The following NXPE4 variants were observed in gnomAD, a reference collection of about 807,000 sequenced individuals.
The protein encoded by NXPE4 is neurexophilin and PC-esterase domain family member 4.
A neutral mutation model predicts 33.3 loss-of-function variants in NXPE4; 42 were observed. The ratio of observed to expected loss-of-function variants is 1.26; its 90% CI spans 0.98 to 1.63. The LOEUF (loss-of-function observed/expected upper bound fraction) is 1.63. NXPE4 is among the 40% of genes most tolerant of loss of function. NXPE4 has a pLI of 0.00. For missense variants in NXPE4, 709 were observed against 647.6 expected (o/e 1.09, Z -1.03); for synonymous variants, 253 against 234.9 (o/e 1.08, Z -0.71).
At chr11:114,636,415 T>G in the NXPE4 span, among the ~76,000 whole-genome samples, 1 of 152,124 alleles carries the variant, frequency 6.6e-6, no homozygotes. Flanking sequence ...AAAAACCAGC[T>G]CCTGGATTCG....
chr11:114,571,099 C>T lies in NXPE4; in HGVS notation c.1474G>A (p.Gly492Ser). ...NDAERFSDFH[G>S]YIQYLIIKDI... ...TTTATGATGAGATATTGAATGTAACCATGAAAGTCACTAAATCTTTCTGCA... is the reference window on the plus strand; with the variant it reads ...TTTATGATGAGATATTGAATGTAACTATGAAAGTCACTAAATCTTTCTGCA... The change falls in exon 6 of 6, where the codon GGT (glycine) becomes AGT (serine). Residue 492 changes from glycine to serine, a missense_variant. Gly to Ser is a moderately conservative substitution (Grantham distance 56). Coordinates refer to ENST00000375478, the MANE Select transcript of NXPE4 (RefSeq NM_001077639.2). 6.2e-7 allele frequency: 1 copy of T among 1,613,880 alleles called. No homozygotes were observed. The highest frequency in any genetic ancestry group is 8.5e-7 in the Non-Finnish European group (1 of 1,179,900).
the NXPE4 span, among the ~76,000 whole-genome samples, chr11:114,619,116 G>C: frequency 3.3e-5 from 5 of 152,214 alleles, no homozygotes; most frequent in East Asian, 7.7e-4. Context: ...TGGATAATAA[G>C]TGTTGCCTCG....
At chr11:114,609,007 A>G in the NXPE4 span, among the ~76,000 whole-genome samples, 1 of 151,926 alleles carries the variant, frequency 6.6e-6, no homozygotes, top group Admixed American at 6.6e-5. Context: ...GTGGATAATA[A>G]GTGTTGCCTT....
chr11:114,576,216 A>T (rs1948991168), intron 5 of NXPE4, among the ~76,000 whole-genome samples: 1 of 152,168 alleles, frequency 6.6e-6, no homozygotes, highest in Non-Finnish European at 1.5e-5. Flanking sequence ...TGGATCAAAG[A>T]CTTAAATTTA....
the NXPE4 span, among the ~76,000 whole-genome samples, chr11:114,617,673 C>T: frequency 6.6e-6 from 1 of 151,800 alleles, no homozygotes; most frequent in South Asian, 2.1e-4. Context: ...ACCACTGTTA[C>T]CCGGTGGATA....
chr11:114,670,592 T>C, the NXPE4 span, among the ~76,000 whole-genome samples: 11 of 151,986 alleles, frequency 7.2e-5, no homozygotes, highest in African/African-American at 2.7e-4. Context: ...CTTAGGAGGC[T>C]GAGGCAGGAG....
chr11:114,606,457 G>A, the NXPE4 span, among the ~76,000 whole-genome samples: 1 of 149,704 alleles, frequency 6.7e-6, no homozygotes, highest in Non-Finnish European at 1.5e-5. Context: ...GGGAGATAAT[G>A]TGTTGCCTCT....
chr11:114,580,398 T>C (rs941332701), intron 4 of NXPE4, 60 bp from the exon 5 acceptor site: 1 of 1,449,184 alleles, frequency 6.9e-7, no homozygotes, highest in Non-Finnish European at 9.7e-7. Context: ...TCAGTATGTA[T>C]TAAGAGCCTT....
chr11:114,629,241 C>G, the NXPE4 span, among the ~76,000 whole-genome samples: 59 of 152,206 alleles, frequency 3.9e-4, no homozygotes, highest in Admixed American at 7.2e-4. Context: ...AGACCAATAT[C>G]CTTGATGAAC....
At chr11:114,598,435 C>G (rs942624695), upstream of NXPE4, among the ~76,000 whole-genome samples, 2 of 152,212 alleles carry the variant, frequency 1.3e-5, no homozygotes, top group Non-Finnish European at 2.9e-5. Context: ...GGCTCCAGCC[C>G]CACATTGTCC....
At chr11:114,603,735 C>A in the NXPE4 span, among the ~76,000 whole-genome samples, 1 of 151,142 alleles carries the variant, frequency 6.6e-6, no homozygotes, top group Non-Finnish European at 1.5e-5. Flanking sequence ...ACTCCTATTA[C>A]CCAGTGGATG....
At chr11:114,643,347 A>G in the NXPE4 span, among the ~76,000 whole-genome samples, 1 of 152,090 alleles carries the variant, frequency 6.6e-6, no homozygotes. Flanking sequence ...TACATCCTGA[A>G]TGGTACTGCC....
the NXPE4 span, among the ~76,000 whole-genome samples, chr11:114,606,763 G>T: frequency 6.6e-6 from 1 of 151,870 alleles, no homozygotes; most frequent in Non-Finnish European, 1.5e-5. Context: ...AGTACCACAG[G>T]GGTAACCACT....
chr11:114,651,783 A>C, the NXPE4 span, among the ~76,000 whole-genome samples: 2 of 152,094 alleles, frequency 1.3e-5, no homozygotes, highest in African/African-American at 2.4e-5. Flanking sequence ...GTGTTTACAA[A>C]CCTTTAGCTA....
In NXPE4 at chr11:114,583,472, A is replaced by C. The variant is rs1461593166; in HGVS notation, c.97-451T>G. 8 of 659,254 alleles carry C rather than the reference A, an allele frequency of 1.2e-5. 1 individual carries two copies. The East Asian group carries it at 3.2e-4, about 26-fold the overall frequency. 40.8% of individuals were successfully genotyped at this position (659,254 alleles called of 1,614,324 possible). A position where few individuals can be genotyped will look rare whatever the true frequency, so the allele number is the denominator to read the frequency against. ...CAAGTACCACAGTGATGACTACATTAAATTCTTGTGCTCCATCTATCCAGA... is the reference window on the plus strand; with the variant it reads ...CAAGTACCACAGTGATGACTACATTCAATTCTTGTGCTCCATCTATCCAGA... On this transcript the variant is annotated intron_variant, in intron 2 of 5. Transcript: ENST00000375478.
chr11:114,645,276 G>A, the NXPE4 span, among the ~76,000 whole-genome samples: 1 of 152,192 alleles, frequency 6.6e-6, no homozygotes, highest in South Asian at 2.1e-4. Context: ...ACTCCAGCCT[G>A]GGTGACAGAG....
At chr11:114,671,336 A>G in the NXPE4 span, among the ~76,000 whole-genome samples, 10 of 36,256 alleles carry the variant, frequency 2.8e-4, no homozygotes, top group East Asian at 0.013. Flanking sequence ...TAATAGAGGA[A>G]TTAGGAGAGG....
At chr11:114,651,042 G>C in the NXPE4 span, among the ~76,000 whole-genome samples, 2 of 151,964 alleles carry the variant, frequency 1.3e-5, no homozygotes, top group South Asian at 2.1e-4. Flanking sequence ...GTGGTACATT[G>C]AAGGTAATAA....
chr11:114,612,724 G>A, the NXPE4 span, among the ~76,000 whole-genome samples: 4 of 151,620 alleles, frequency 2.6e-5, no homozygotes, highest in African/African-American at 9.7e-5. Context: ...GTTGCCTCGT[G>A]GGTAACCACT....
Sources: gnomAD v4.1 joint callset for allele counts (sites outside exome capture counted in the v4.1 genomes callset) on GRCh38, gnomAD v4.1.1 for gene constraint, MANE v1.5 for transcripts, NCBI Gene and HGNC (gene_info 2026-07-23, HGNC 2026-07-21) for gene names.